RUFY3: variants seen among roughly 807,000 people sequenced by gnomAD.
The protein encoded by RUFY3 is RUN and FYVE domain containing 3.
RUFY3 carries 34 observed loss-of-function variants against 84.0 expected under a neutral mutation model. That is an observed-to-expected ratio of 0.40 (90% CI 0.31 to 0.54). The LOEUF (loss-of-function observed/expected upper bound fraction) is 0.54, where lower values mean the gene tolerates loss of function less well. Ranked by LOEUF, RUFY3 falls within the 20% of genes least tolerant of loss-of-function variation. The probability of loss-of-function intolerance (pLI) is 0.39; values close to 1 mark genes in which losing one functional copy is unlikely to be tolerated. For synonymous variants in RUFY3, 242 were observed against 252.9 expected, an observed-to-expected ratio of 0.96 and a Z score of 0.41; for missense variants, 507 against 736.8, an observed-to-expected ratio of 0.69 and a Z score of 3.61.
At chr4:70,791,163 G>A (rs1048446139) in intron 12 of RUFY3, 1 of 1,371,604 alleles carries the variant, frequency 7.3e-7, no homozygotes, top group Admixed American at 1.7e-5. Context: ...CTATTTTTGT[G>A]TTTCCTGTTT....
Position 70,722,714 on chromosome 4 carries a change from C to T in RUFY3, c.141C>T (p.Asp47=). 6.2e-7 allele frequency: 1 copy of T among 1,614,112 alleles called. No individual in the cohort carries two copies. The highest frequency in any genetic ancestry group is 1.3e-5 in the African/African-American group (1 of 75,040). Residue 47 remains aspartate, a synonymous_variant, in exon 1 of 18, where the codon GAC becomes GAT. Transcript: ENST00000381006. ...GEWLCLRELD[D]ISLTPDPEPT... ...GGCTCTGCCTGCGAGAGCTGGATGA[C>T]ATCTCACTTACACCTGACCCAGAGC...
In RUFY3 at chr4:70,729,160, G is replaced by A. The variant is rs1718793968; in HGVS notation, c.178+6409G>A. Reference sequence around the variant, plus strand: ...AGATAATATAGGATAGTGGTTAAAAGTATGGATTTTGTGGCTTGGACCTGG... The same window carrying A: ...AGATAATATAGGATAGTGGTTAAAAATATGGATTTTGTGGCTTGGACCTGG... On this transcript the variant is annotated intron_variant, in intron 1 of 17. Coordinates refer to ENST00000381006, the MANE Select transcript of RUFY3 (RefSeq NM_001037442.4). Among the ~76,000 whole-genome samples the A allele has an allele frequency of 2.0e-5, 3 of 152,210 alleles. No individual in the cohort carries two copies. In the South Asian group the frequency reaches 6.2e-4, roughly 32 times the overall value.
intron 4 of RUFY3, among the ~76,000 whole-genome samples, chr4:70,767,918 A>G (rs1726256941): frequency 6.6e-6 from 1 of 152,072 alleles, no homozygotes; most frequent in Non-Finnish European, 1.5e-5. Context: ...ACCTCAAGTG[A>G]TCCACCCGCC....
At chr4:70,776,912 A>G (rs1186650563) in intron 7 of RUFY3, among the ~76,000 whole-genome samples, 2 of 152,254 alleles carry the variant, frequency 1.3e-5, no homozygotes, top group Non-Finnish European at 2.9e-5. Context: ...TCAGTGTTGT[A>G]TATATGTTCA....
chr4:70,713,311 C>T (rs1282378032), intron 1 of RUFY3, among the ~76,000 whole-genome samples: 3 of 152,194 alleles, frequency 2.0e-5, no homozygotes, highest in African/African-American at 7.2e-5. Context: ...GCGTGAGCCA[C>T]CATGCCTGGC....
chr4:70,781,677 G>C (rs1728940080), intron 8 of RUFY3, among the ~76,000 whole-genome samples: 1 of 152,154 alleles, frequency 6.6e-6, no homozygotes, highest in South Asian at 2.1e-4. Context: ...ACATTTTTAG[G>C]CCACAGGATC....
At chr4:70,764,430 T>A in intron 3 of RUFY3, 45 bp from the exon 4 acceptor site, 1 of 1,314,640 alleles carries the variant, frequency 7.6e-7, no homozygotes, top group South Asian at 1.2e-5. Context: ...AGCCTTTGCT[T>A]CTGGTGCTTA....
intron 1 of RUFY3, among the ~76,000 whole-genome samples, chr4:70,760,168 G>T (rs1724780084): frequency 6.6e-6 from 1 of 152,150 alleles, no homozygotes; most frequent in African/African-American, 2.4e-5. Flanking sequence ...ATGCACTCCA[G>T]ACCTCAGCCA....
intron 1 of RUFY3, among the ~76,000 whole-genome samples, chr4:70,744,937 G>A (rs983746108): frequency 3.3e-5 from 5 of 151,702 alleles, no homozygotes; most frequent in African/African-American, 9.7e-5. Context: ...TTACAGACAT[G>A]AGCCACTGTG....
At chr4:70,763,292 C>G (rs1050611584) in intron 2 of RUFY3, among the ~76,000 whole-genome samples, 1 of 151,980 alleles carries the variant, frequency 6.6e-6, no homozygotes. Context: ...ATTTTAGGCA[C>G]TAAATTGTTA....
At chr4:70,725,978 G>A (rs1718164725) in intron 1 of RUFY3, among the ~76,000 whole-genome samples, 1 of 152,198 alleles carries the variant, frequency 6.6e-6, no homozygotes, top group African/African-American at 2.4e-5. Context: ...AAAAGCTACT[G>A]GTGCTTTATG....
intron 8 of RUFY3, 130 bp downstream of exon 8, chr4:70,778,568 T>G (rs1728348961): frequency 2.4e-6 from 1 of 421,158 alleles, no homozygotes. Flanking sequence ...ACATAACTTC[T>G]TATTCTTTTT....
In RUFY3 at chr4:70,791,788, C is replaced by A. The variant is rs1353475288; in HGVS notation, c.1338-1997C>A. ...TAGTTCTGTGTCTCTTAGACCATGA[C>A]CCCTTTTCACTTTTGTTATATAGGT... On this transcript the variant is annotated intron_variant, in intron 12 of 17. Coordinates refer to ENST00000381006, the MANE Select transcript of RUFY3 (RefSeq NM_001037442.4). 13 of 986,220 alleles carry A rather than the reference C, an allele frequency of 1.3e-5. No individual in the cohort carries two copies. In the African/African-American group the frequency reaches 1.4e-4, roughly 11 times the overall value. 61.1% of individuals were successfully genotyped at this position (986,220 alleles called of 1,614,324 possible).
intron 1 of RUFY3, among the ~76,000 whole-genome samples, chr4:70,733,319 T>C (rs1042753569): frequency 6.6e-6 from 1 of 152,156 alleles, no homozygotes; most frequent in Non-Finnish European, 1.5e-5. Context: ...ATGTAATAAT[T>C]TGTTGTTTAA....
At chr4:70,757,165 T>C (rs1297441132) in intron 1 of RUFY3, among the ~76,000 whole-genome samples, 1 of 151,910 alleles carries the variant, frequency 6.6e-6, no homozygotes, top group East Asian at 1.9e-4. Context: ...TTATCCCAGG[T>C]ACTCAGGAGG....
intron 7 of RUFY3, among the ~76,000 whole-genome samples, chr4:70,776,541 G>A (rs986128339): frequency 8.5e-5 from 13 of 152,172 alleles, no homozygotes; most frequent in East Asian, 5.8e-4. Context: ...TTGGGAGGCC[G>A]AGGCAGGCGG....
intron 13 of RUFY3, 93 bp downstream of exon 13, chr4:70,793,997 T>C: frequency 7.0e-7 from 1 of 1,427,804 alleles, no homozygotes; most frequent in African/African-American, 1.4e-5. Context: ...CCAGCCAGGT[T>C]GGCTCTGTCT....
At chr4:70,737,461 T>A (rs979574262) in intron 1 of RUFY3, among the ~76,000 whole-genome samples, 2 of 152,178 alleles carry the variant, frequency 1.3e-5, no homozygotes, top group Non-Finnish European at 2.9e-5. Context: ...TGTCCAGTCC[T>A]GTGGACAGCA....
chr4:70,781,881 G>A (rs913311119), intron 8 of RUFY3, among the ~76,000 whole-genome samples: 1 of 152,170 alleles, frequency 6.6e-6, no homozygotes, highest in South Asian at 2.1e-4. Context: ...CACATTCTCC[G>A]GGAGTTTAGT....
Sources: gnomAD v4.1 joint callset for allele counts (sites outside exome capture counted in the v4.1 genomes callset) on GRCh38, gnomAD v4.1.1 for gene constraint, MANE v1.5 for transcripts, NCBI Gene and HGNC (gene_info 2026-07-23, HGNC 2026-07-21) for gene names.